The following NRF1 variants were observed in gnomAD, a reference collection of about 807,000 sequenced individuals.
The protein encoded by NRF1 is nuclear respiratory factor 1, also known as alpha palindromic-binding protein.
Under a neutral mutation model 58.5 loss-of-function variants are expected in NRF1, and 5 were observed. The ratio of observed to expected loss-of-function variants is 0.09; its 90% CI spans 0.04 to 0.18. NRF1 has a LOEUF of 0.18. Among genes scored for constraint, NRF1 ranks in the 10% least tolerant of loss-of-function variants. The pLI, the probability that NRF1 is intolerant of heterozygous loss-of-function variation, is 1.00. For missense variants in NRF1, 288 were observed against 657.7 expected, an observed-to-expected ratio of 0.44 and a Z score of 6.15; for synonymous variants, 224 against 246.7, an observed-to-expected ratio of 0.91 and a Z score of 0.86.
chr7:129,646,878 A>G (rs1187978334), intron 1 of NRF1, among the ~76,000 whole-genome samples: 1 of 152,198 alleles, frequency 6.6e-6, no homozygotes, highest in East Asian at 1.9e-4. Context: ...ATAACCTTGT[A>G]GGAGAGTTAC....
At chr7:129,689,441 A>G (rs927459274) in intron 4 of NRF1, among the ~76,000 whole-genome samples, 1 of 152,138 alleles carries the variant, frequency 6.6e-6, no homozygotes, top group Non-Finnish European at 1.5e-5. Flanking sequence ...TTCCTAGCCC[A>G]CTTGTCACAT....
At chr7:129,729,008 G>A (rs867788904) in intron 10 of NRF1, among the ~76,000 whole-genome samples, 2 of 152,288 alleles carry the variant, frequency 1.3e-5, no homozygotes, top group Middle Eastern at 3.4e-3. Context: ...CCTCATCAGA[G>A]TCCTAAGGCA....
At chr7:129,668,765 A>G (rs954642229) in intron 2 of NRF1, among the ~76,000 whole-genome samples, 3 of 152,240 alleles carry the variant, frequency 2.0e-5, no homozygotes, top group Admixed American at 6.5e-5. Flanking sequence ...ACTACTTACT[A>G]TATGATTCCA....
intron 10 of NRF1, among the ~76,000 whole-genome samples, chr7:129,738,462 C>T (rs890131137): frequency 2.0e-5 from 3 of 152,202 alleles, no homozygotes; most frequent in Non-Finnish European, 4.4e-5. Context: ...CAGGGACTTT[C>T]CCATTTAAGT....
chr7:129,744,286 C>A, intron 10 of NRF1: 1 of 1,469,414 alleles, frequency 6.8e-7, no homozygotes, highest in Non-Finnish European at 9.3e-7. Flanking sequence ...CACTGTGAGG[C>A]TGTCATTCCA....
intron 5 of NRF1, among the ~76,000 whole-genome samples, chr7:129,699,812 G>A (rs969112202): frequency 2.6e-5 from 4 of 151,836 alleles, no homozygotes; most frequent in African/African-American, 9.7e-5. Context: ...TCGTTTTAAT[G>A]GGCACAGAAT....
intron 2 of NRF1, among the ~76,000 whole-genome samples, chr7:129,667,401 T>C (rs1317018132): frequency 6.6e-6 from 1 of 152,180 alleles, no homozygotes; most frequent in African/African-American, 2.4e-5. Context: ...CAATTTTCTT[T>C]CTTTGCCTAT....
intron 1 of NRF1, among the ~76,000 whole-genome samples, chr7:129,644,063 T>C (rs1202838397): frequency 6.6e-6 from 1 of 152,252 alleles, no homozygotes; most frequent in Non-Finnish European, 1.5e-5. Context: ...TCCTTCAGGA[T>C]GCCTGCCCCA....
intron 10 of NRF1, among the ~76,000 whole-genome samples, chr7:129,729,180 G>T (rs1803521058): frequency 6.6e-6 from 1 of 152,098 alleles, no homozygotes; most frequent in Non-Finnish European, 1.5e-5. Flanking sequence ...AGAACAGACT[G>T]CTTTATAATT....
At chr7:129,706,927 TC>T (rs879450912) in intron 5 of NRF1, among the ~76,000 whole-genome samples, 5 of 152,202 alleles carry the variant, frequency 3.3e-5, no homozygotes, top group African/African-American at 9.6e-5. Context: ...CTTTAGGATT[TC>T]TGTTTTGTTT....
Position 129,669,694 on chromosome 7 carries a change from G to A in NRF1, c.224-1735G>A, listed in dbSNP as rs142721042. On this transcript the variant is annotated intron_variant, in intron 2 of 10. Coordinates refer to ENST00000393232, the MANE Select transcript of NRF1 (RefSeq NM_005011.5). ...ACTATTATCAAAAATATAAACTAGT[G>A]GCGGTGAGGTCGTAGAGCAACTGGA... 1.7e-3 allele frequency among the ~76,000 whole-genome samples: 255 copies of A among 152,296 alleles called. 1 individual carries two copies. Among genetic ancestry groups the A allele is most frequent in the African/African-American group, 5.2e-3 (218 of 41,566 alleles).
intron 5 of NRF1, among the ~76,000 whole-genome samples, chr7:129,703,293 A>G (rs1802876516): frequency 6.6e-6 from 1 of 152,188 alleles, no homozygotes; most frequent in Non-Finnish European, 1.5e-5. Flanking sequence ...TTCCAGCTCA[A>G]TTAAAGGACG....
chr7:129,720,031 T>TCC (rs1803284438), intron 9 of NRF1, among the ~76,000 whole-genome samples: 1 of 152,160 alleles, frequency 6.6e-6, no homozygotes, highest in African/African-American at 2.4e-5. Context: ...GGTAATGGTA[T>TCC]CCCCTGAGGG....
intron 2 of NRF1, among the ~76,000 whole-genome samples, chr7:129,668,067 A>AT (rs1801962064): frequency 6.6e-6 from 1 of 152,026 alleles, no homozygotes; most frequent in Admixed American, 6.6e-5. Flanking sequence ...TCATTGTTTT[A>AT]TTGAGGTTAT....
chr7:129,662,393 T>C (rs939145156), intron 2 of NRF1, among the ~76,000 whole-genome samples: 2 of 91,444 alleles, frequency 2.2e-5, no homozygotes, highest in African/African-American at 9.3e-5. Flanking sequence ...AGTGTGTGTG[T>C]GTGTGTGTGT....
intron 10 of NRF1, among the ~76,000 whole-genome samples, chr7:129,737,383 G>A (rs910788204): frequency 6.6e-6 from 1 of 152,220 alleles, no homozygotes; most frequent in Admixed American, 6.5e-5. Flanking sequence ...ATGGCACAAT[G>A]TGTCTTCAAA....
chr7:129,657,040 A>G (rs1801672426), intron 1 of NRF1, among the ~76,000 whole-genome samples: 2 of 152,184 alleles, frequency 1.3e-5, no homozygotes, highest in African/African-American at 2.4e-5. Flanking sequence ...TATCTTAAGT[A>G]TGTTTTTATT....
chr7:129,613,293 TTGTG>T (rs560120370), intron 1 of NRF1, among the ~76,000 whole-genome samples: 2 of 151,436 alleles, frequency 1.3e-5, no homozygotes, highest in South Asian at 4.2e-4. Flanking sequence ...GAGATGCTGT[TTGTG>T]TGTGTGTGTG....
chr7:129,650,152 G>A (rs745764916), intron 1 of NRF1, among the ~76,000 whole-genome samples: 9 of 151,782 alleles, frequency 5.9e-5, no homozygotes, highest in Admixed American at 2.0e-4. Context: ...TATTGCTTGG[G>A]GGAATTTTTT....
Sources: allele counts gnomAD v4.1 joint callset (sites outside exome capture counted in the v4.1 genomes callset), GRCh38; gene constraint gnomAD v4.1.1; transcripts MANE v1.5; gene names NCBI Gene and HGNC (gene_info 2026-07-23, HGNC 2026-07-21).